MEIG1: variants seen among roughly 807,000 people sequenced by gnomAD.
MEIG1 encodes the protein meiosis/spermiogenesis associated 1, also known as meiosis expressed gene 1 protein homolog.
Under a neutral mutation model 11.3 loss-of-function variants are expected in MEIG1, and 12 were observed. The ratio of observed to expected loss-of-function variants is 1.07; its 90% CI spans 0.68 to 1.73. The LOEUF (loss-of-function observed/expected upper bound fraction) is 1.73. Among genes scored for constraint, MEIG1 ranks in the 40% most tolerant of loss-of-function variants. The pLI is 0.00. For synonymous variants in MEIG1, 41 were observed against 33.2 expected (o/e 1.24, Z -0.81); for missense variants, 119 against 104.9 (o/e 1.13, Z -0.59).
chr10:14,965,143 T>C (rs1459328692), intron 1 of MEIG1, among the ~76,000 whole-genome samples: 1 of 152,180 alleles, frequency 6.6e-6, no homozygotes, highest in Non-Finnish European at 1.5e-5. Flanking sequence ...GCATTTGTTA[T>C]TGTGATTGAA....
At chr10:14,987,275 G>A in intron 2 of MEIG1, 1 of 796,880 alleles carries the variant, frequency 1.3e-6, no homozygotes, top group Non-Finnish European at 2.2e-6. Context: ...ATGGAGGGGG[G>A]AGTCAGAGCT....
intron 1 of MEIG1, among the ~76,000 whole-genome samples, chr10:14,986,152 A>AT (rs906288640): frequency 2.0e-5 from 3 of 152,194 alleles, no homozygotes; most frequent in South Asian, 2.1e-4. Context: ...ATCTTGCAGC[A>AT]TTTTTTAACC....
intron 2 of MEIG1, 94 bp downstream of exon 2, chr10:14,966,700 T>A: frequency 9.1e-7 from 1 of 1,093,634 alleles, no homozygotes; most frequent in Non-Finnish European, 1.3e-6. Context: ...CTGAAGGAAA[T>A]TCGACTCCAA....
In MEIG1 at chr10:14,959,718, C is replaced by CGT. The variant is rs368374154; in HGVS notation, c.-30+163_-30+164dup. 6.5e-3 allele frequency among the ~76,000 whole-genome samples: 997 copies of CGT among 152,322 alleles called. 16 individuals are homozygous for CGT. Among genetic ancestry groups the CGT allele is most frequent in the African/African-American group, 0.023 (950 of 41,574 alleles). On this transcript the variant is annotated intron_variant, in intron 1 of 2. Transcript: ENST00000407572. ...GATCCCGTGGTTTTCATGTCTCTTC[C>CGT]GTGATTTTTAGGGAAGAGGGTCACT...
At chr10:14,958,796 T>A (rs1242295640), upstream of MEIG1, among the ~76,000 whole-genome samples, 2 of 151,934 alleles carry the variant, frequency 1.3e-5, no homozygotes, top group Non-Finnish European at 2.9e-5. Context: ...CTCGGGAGGC[T>A]GAGGCAGGAG....
intron 2 of MEIG1, chr10:14,987,662 G>A: frequency 2.6e-6 from 1 of 377,712 alleles, no homozygotes; most frequent in Non-Finnish European, 4.9e-6. Flanking sequence ...CTACTTTAGA[G>A]AAAATCCACT....
At chr10:14,979,710 A>G (rs1843245706) in intron 1 of MEIG1, among the ~76,000 whole-genome samples, 1 of 152,040 alleles carries the variant, frequency 6.6e-6, no homozygotes, top group African/African-American at 2.4e-5. Context: ...TTAATGTCAT[A>G]GGGTGTGTAC....
chr10:14,968,587 ATTAAT>A (rs1321842283), intron 2 of MEIG1, among the ~76,000 whole-genome samples: 8 of 152,196 alleles, frequency 5.3e-5, no homozygotes, highest in African/African-American at 1.9e-4. Context: ...TTTAATAGAC[ATTAAT>A]TTAATGACAT....
At chr10:14,983,335 C>T (rs1035104130) in intron 1 of MEIG1, among the ~76,000 whole-genome samples, 5 of 152,148 alleles carry the variant, frequency 3.3e-5, no homozygotes, top group African/African-American at 1.2e-4. Flanking sequence ...TGACATCGTT[C>T]CTAATATCCA....
chr10:14,977,020 T>G (rs556892538), downstream of MEIG1, among the ~76,000 whole-genome samples: 54 of 152,064 alleles, frequency 3.6e-4, no homozygotes, highest in South Asian at 8.3e-4. Flanking sequence ...TCACACGGGG[T>G]GTACTCCCTG....
At chr10:14,962,913 G>A (rs1349342683) in intron 1 of MEIG1, among the ~76,000 whole-genome samples, 8 of 151,590 alleles carry the variant, frequency 5.3e-5, no homozygotes, top group East Asian at 3.9e-4. Flanking sequence ...ACAGGCATGC[G>A]CCACCATGCC....
intron 2 of MEIG1, among the ~76,000 whole-genome samples, chr10:14,968,788 T>C (rs1341881652): frequency 1.3e-5 from 2 of 152,082 alleles, no homozygotes; most frequent in East Asian, 1.9e-4. Flanking sequence ...CTGTTTAAAA[T>C]AAGCTTTGGG....
downstream of MEIG1, among the ~76,000 whole-genome samples, chr10:14,974,860 CTTAATA>C (rs1030733515): frequency 6.6e-6 from 1 of 151,880 alleles, no homozygotes; most frequent in East Asian, 1.9e-4. Flanking sequence ...GCAATGATTT[CTTAATA>C]TTAATATCAA....
chr10:14,955,984 G>A (rs527639850), upstream of MEIG1, among the ~76,000 whole-genome samples: 9 of 152,304 alleles, frequency 5.9e-5, no homozygotes, highest in Admixed American at 1.3e-4. Flanking sequence ...TCTAGTGTCC[G>A]AAGAATCTCA....
At chr10:14,966,669 T>G in intron 2 of MEIG1, 63 bp downstream of exon 2, 1 of 1,480,438 alleles carries the variant, frequency 6.8e-7, no homozygotes, top group Non-Finnish European at 9.2e-7. Context: ...GAAAAGTATT[T>G]TATAAACAAC....
chr10:14,984,138 G>A (rs1166596317), intron 1 of MEIG1, among the ~76,000 whole-genome samples: 2 of 151,948 alleles, frequency 1.3e-5, no homozygotes, highest in African/African-American at 2.4e-5. Context: ...CCGTCAACAC[G>A]CTGTGTGACC....
chr10:14,967,360 G>A (rs756325046), intron 2 of MEIG1, among the ~76,000 whole-genome samples: 1 of 152,002 alleles, frequency 6.6e-6, no homozygotes, highest in East Asian at 1.9e-4. Context: ...AGAACAACTC[G>A]TGACTTTGAT....
At chr10:14,971,958 A>T (rs529200139) in intron 2 of MEIG1, among the ~76,000 whole-genome samples, 1 of 152,276 alleles carries the variant, frequency 6.6e-6, no homozygotes, top group South Asian at 2.1e-4. Flanking sequence ...CTCCAAAATA[A>T]AACAAAATAA....
chr10:14,975,105 C>A (rs1589213313), downstream of MEIG1, among the ~76,000 whole-genome samples: 1 of 152,090 alleles, frequency 6.6e-6, no homozygotes, highest in Non-Finnish European at 1.5e-5. Flanking sequence ...CAATATAGCA[C>A]TGGGTGCGCA....
Sources: allele counts gnomAD v4.1 joint callset (sites outside exome capture counted in the v4.1 genomes callset), GRCh38; gene constraint gnomAD v4.1.1; transcripts MANE v1.5; gene names NCBI Gene and HGNC (gene_info 2026-07-23, HGNC 2026-07-21).